The following ZNF680 variants were observed in gnomAD, a reference collection of about 807,000 sequenced individuals.
ZNF680 encodes zinc finger protein 680, also known as hypothetical protein FLJ90430.
In ZNF680, 6 loss-of-function variants were observed where a neutral mutation model predicts 12.1. The ratio of observed to expected loss-of-function variants is 0.49; its 90% CI spans 0.27 to 0.98. The LOEUF (loss-of-function observed/expected upper bound fraction) is 0.98. ZNF680 is among the 50% of genes least tolerant of loss of function. The pLI is 0.12. For missense variants in ZNF680, 561 were observed against 616.3 expected, an observed-to-expected ratio of 0.91 and a Z score of 0.95; for synonymous variants, 170 against 199.3, an observed-to-expected ratio of 0.85 and a Z score of 1.24.
downstream of ZNF680, among the ~76,000 whole-genome samples, chr7:64,519,425 G>A (rs1160128309): frequency 6.6e-6 from 1 of 151,760 alleles, no homozygotes; most frequent in Admixed American, 6.6e-5. Context: ...AAATAGTGTG[G>A]AGATTTTTTT....
At chr7:64,560,379 G>C (rs566451683) in intron 1 of ZNF680, among the ~76,000 whole-genome samples, 1 of 152,218 alleles carries the variant, frequency 6.6e-6, no homozygotes, top group Non-Finnish European at 1.5e-5. Flanking sequence ...ATCCTAAAGT[G>C]CTAGGATTAC....
chr7:64,546,924 T>G (rs970548280), intron 1 of ZNF680, among the ~76,000 whole-genome samples: 10 of 152,126 alleles, frequency 6.6e-5, no homozygotes, highest in Admixed American at 3.9e-4. Context: ...GAATGTATCC[T>G]GAACCCCTCA....
chr7:64,527,616 AC>A (rs1441030495), intron 3 of ZNF680, among the ~76,000 whole-genome samples: 2 of 151,650 alleles, frequency 1.3e-5, no homozygotes, highest in South Asian at 2.1e-4. Context: ...AATCACTTGA[AC>A]CCGGGAGGCA....
rs1791487030 is a variant in ZNF680 at position 64,520,786 on chromosome 7, TTA to T, written c.*373_*374del. On this transcript the variant is annotated 3_prime_UTR_variant, in exon 4 of 4. Transcript: ENST00000309683. Reference sequence around the variant, plus strand: ...AACCCTCCTATGCTCCTTATATTTGTTATGTTTGTCTTCAAAATAAACACGCT... The same window carrying T: ...AACCCTCCTATGCTCCTTATATTTGTTGTTTGTCTTCAAAATAAACACGCT... The T allele has an allele frequency of 5.6e-6, 1 of 178,062 alleles. No individual in the cohort carries two copies. The highest frequency in any genetic ancestry group is 1.2e-4 in the South Asian group (1 of 8,236). The allele number at this position is 178,062 out of a possible 1,614,324, so 11.0% of individuals were successfully genotyped here.
chr7:64,505,246 CTAAT>C, the ZNF680 span, among the ~76,000 whole-genome samples: 12 of 152,326 alleles, frequency 7.9e-5, 1 homozygote, highest in South Asian at 1.2e-3. Context: ...AATGTTTCAT[CTAAT>C]TGTTACTTTT....
the ZNF680 span, among the ~76,000 whole-genome samples, chr7:64,514,282 T>C: frequency 6.6e-6 from 1 of 152,204 alleles, no homozygotes. Context: ...CATTAACATA[T>C]GTTCCAAAAC....
intron 1 of ZNF680, among the ~76,000 whole-genome samples, chr7:64,560,412 C>T (rs1206012155): frequency 6.6e-6 from 1 of 152,086 alleles, no homozygotes; most frequent in Non-Finnish European, 1.5e-5. Context: ...CTGCACTCGG[C>T]CGGAAATGTA....
At chr7:64,544,706 T>C (rs1786691157) in intron 1 of ZNF680, among the ~76,000 whole-genome samples, 1 of 152,164 alleles carries the variant, frequency 6.6e-6, no homozygotes, top group African/African-American at 2.4e-5. Context: ...AGGACATGAA[T>C]ACAAACATGT....
chr7:64,535,525 G>C (rs557339586), intron 3 of ZNF680, among the ~76,000 whole-genome samples: 1 of 151,962 alleles, frequency 6.6e-6, no homozygotes, highest in Non-Finnish European at 1.5e-5. Context: ...TTCTCTATAC[G>C]AGACTCATTT....
chr7:64,507,973 TTTC>T, the ZNF680 span, among the ~76,000 whole-genome samples: 4 of 151,158 alleles, frequency 2.6e-5, no homozygotes, highest in African/African-American at 7.3e-5. Context: ...AAGAATAAAT[TTTC>T]TTGATTTTTA....
At chr7:64,544,477 T>C (rs775598281) in intron 1 of ZNF680, 45 bp from the exon 2 acceptor site, 2 of 1,572,304 alleles carry the variant, frequency 1.3e-6, no homozygotes, top group African/African-American at 1.4e-5. Flanking sequence ...CACACTTATA[T>C]ATTTACTAAA....
chr7:64,515,261 TG>T (rs1180893930), downstream of ZNF680, among the ~76,000 whole-genome samples: 1 of 150,372 alleles, frequency 6.7e-6, no homozygotes, highest in East Asian at 1.9e-4. Flanking sequence ...ACAATATAGT[TG>T]TTTGCATCAG....
intron 3 of ZNF680, among the ~76,000 whole-genome samples, chr7:64,536,057 T>C (rs1230923839): frequency 6.6e-6 from 1 of 152,200 alleles, no homozygotes; most frequent in Non-Finnish European, 1.5e-5. Flanking sequence ...ATAACTATCA[T>C]ATTTATCTAT....
chr7:64,544,136 T>C, intron 2 of ZNF680, 170 bp downstream of exon 2: 4 of 943,464 alleles, frequency 4.2e-6, no homozygotes, highest in Non-Finnish European at 6.1e-6. Flanking sequence ...CAGGTCAAGA[T>C]GAAACGTACT....
the ZNF680 span, among the ~76,000 whole-genome samples, chr7:64,506,723 C>A: frequency 6.6e-6 from 1 of 151,860 alleles, no homozygotes; most frequent in Non-Finnish European, 1.5e-5. Context: ...TAATTATTTT[C>A]TGTTTGAAGT....
intron 3 of ZNF680, among the ~76,000 whole-genome samples, chr7:64,540,525 G>A (rs547806770): frequency 2.9e-4 from 44 of 152,058 alleles, no homozygotes; most frequent in South Asian, 6.2e-4. Context: ...GGCTGGTCTC[G>A]AACTCCTGAC....
intron 3 of ZNF680, among the ~76,000 whole-genome samples, chr7:64,532,423 C>CT (rs1193865509): frequency 6.6e-6 from 1 of 152,048 alleles, no homozygotes; most frequent in African/African-American, 2.4e-5. Context: ...CGATGAATAC[C>CT]TTTACACACA....
chr7:64,506,182 T>C, the ZNF680 span, among the ~76,000 whole-genome samples: 5 of 147,434 alleles, frequency 3.4e-5, no homozygotes, highest in African/African-American at 1.0e-4. Context: ...ACTTTTAAAA[T>C]AGTCTTTTAG....
chr7:64,538,434 C>T (rs73130757), intron 3 of ZNF680, among the ~76,000 whole-genome samples: 30,179 of 148,576 alleles, frequency 0.2, 3,375 homozygotes, highest in South Asian at 0.29. Flanking sequence ...AGTTGAATAA[C>T]AACTTAGAAG....
Sources: allele counts gnomAD v4.1 joint callset (sites outside exome capture counted in the v4.1 genomes callset), GRCh38; gene constraint gnomAD v4.1.1; transcripts MANE v1.5; gene names NCBI Gene and HGNC (gene_info 2026-07-23, HGNC 2026-07-21).